The following TRPC1 variants were observed in gnomAD, a reference collection of about 807,000 sequenced individuals.
TRPC1 encodes transient receptor potential cation channel subfamily C member 1.
In TRPC1, 42 loss-of-function variants were observed where a neutral mutation model predicts 88.2. That is an observed-to-expected ratio of 0.48 (90% CI 0.37 to 0.62). The LOEUF (loss-of-function observed/expected upper bound fraction) is 0.62, where lower values mean the gene tolerates loss of function less well. Ranked by LOEUF, TRPC1 falls within the 20% of genes least tolerant of loss-of-function variation. TRPC1 has a pLI of 0.00. For missense variants in TRPC1, 699 were observed against 957.3 expected (o/e 0.73, Z 3.56); for synonymous variants, 288 against 331.8 (o/e 0.87, Z 1.43).
intron 9 of TRPC1, among the ~76,000 whole-genome samples, chr3:142,797,821 A>G (rs1256174201): frequency 6.6e-6 from 1 of 152,130 alleles, no homozygotes; most frequent in Non-Finnish European, 1.5e-5. Context: ...CCTGAAAAAT[A>G]ATATAAGAAA....
intron 10 of TRPC1, among the ~76,000 whole-genome samples, 175 bp from the exon 11 acceptor site, chr3:142,803,800 CTT>C (rs760869958): frequency 1.3e-5 from 2 of 152,170 alleles, no homozygotes; most frequent in African/African-American, 4.8e-5. Flanking sequence ...CTTAGGGTCT[CTT>C]TGTTTAAATT....
At chr3:142,745,390 A>G (rs1218351663) in intron 3 of TRPC1, among the ~76,000 whole-genome samples, 4 of 152,120 alleles carry the variant, frequency 2.6e-5, no homozygotes, top group Admixed American at 2.6e-4. Context: ...CCTACTTAGT[A>G]AAATAACCTT....
At chr3:142,759,295 G>A (rs1935095989) in intron 4 of TRPC1, among the ~76,000 whole-genome samples, 1 of 152,210 alleles carries the variant, frequency 6.6e-6, no homozygotes, top group South Asian at 2.1e-4. Flanking sequence ...CCCACCAACA[G>A]TGTAAAAGTA....
chr3:142,737,330 ATATATATG>A (rs1212988927), intron 2 of TRPC1, among the ~76,000 whole-genome samples: 6 of 60,164 alleles, frequency 1.0e-4, no homozygotes, highest in Admixed American at 2.6e-4. Context: ...TATTTTATAT[ATATATATG>A]TATGTATGTA....
intron 2 of TRPC1, among the ~76,000 whole-genome samples, chr3:142,739,078 TCTC>T (rs1220094195): frequency 6.6e-6 from 1 of 152,092 alleles, no homozygotes; most frequent in Non-Finnish European, 1.5e-5. Flanking sequence ...TTCAAGCGAT[TCTC>T]CTGCCTCAGC....
At chr3:142,773,233 G>A (rs1403413709) in intron 4 of TRPC1, among the ~76,000 whole-genome samples, 2 of 151,026 alleles carry the variant, frequency 1.3e-5, no homozygotes, top group Non-Finnish European at 3.0e-5. Flanking sequence ...TTTTTTTTGA[G>A]ATGGAGTCTC....
chr3:142,765,020 C>T (rs868183423), intron 4 of TRPC1, among the ~76,000 whole-genome samples: 10 of 152,094 alleles, frequency 6.6e-5, no homozygotes, highest in African/African-American at 2.2e-4. Flanking sequence ...TTCTATACAT[C>T]AACATTGTTC....
Position 142,743,585 on chromosome 3 carries a change from T to C in TRPC1, c.428T>C (p.Val143Ala). The C allele has an allele frequency of 1.3e-6, 2 of 1,483,238 alleles. No homozygotes were observed. The highest frequency in any genetic ancestry group is 1.8e-6 in the Non-Finnish European group (2 of 1,121,322). The allele number at this position is 1,483,238 out of a possible 1,614,324, so 91.9% of individuals were successfully genotyped here. A position where few individuals can be genotyped will look rare whatever the true frequency, so the allele number is the denominator to read the frequency against. ...AAACGATCATCAAGACCAACTATAG[T>C]AGTTAGTACTCTTAAATATTTATTA... Reference protein sequence around the residue: ...RPKRSSRPTIVKLMERIQNPE... With the variant: ...RPKRSSRPTIAKLMERIQNPE... Residue 143 changes from valine (V) to alanine (A), a missense_variant and splice_region_variant, in exon 3 of 13, where the codon GTA becomes GCA. By Grantham distance (64) the Val-to-Ala change is moderately conservative. Around this residue, in one of 4 missense-constraint regions of TRPC1, gnomAD observed 426 missense variants for 641.3 expected, o/e 0.66. Coordinates refer to ENST00000476941, the MANE Select transcript of TRPC1 (RefSeq NM_001251845.2).
chr3:142,785,663 G>A (rs1040989394), intron 7 of TRPC1, among the ~76,000 whole-genome samples: 1 of 152,046 alleles, frequency 6.6e-6, no homozygotes, highest in Admixed American at 6.6e-5. Context: ...ACCACACCTG[G>A]CTAATTTTTG....
intron 4 of TRPC1, among the ~76,000 whole-genome samples, chr3:142,754,985 C>T: frequency 6.6e-6 from 1 of 152,144 alleles, no homozygotes; most frequent in East Asian, 1.9e-4. Flanking sequence ...ATTATGCTTC[C>T]ATATTGCCAG....
intron 7 of TRPC1, among the ~76,000 whole-genome samples, chr3:142,785,871 A>C (rs1936118531): frequency 6.6e-6 from 1 of 152,206 alleles, no homozygotes; most frequent in South Asian, 2.1e-4. Flanking sequence ...ATTTAGATTT[A>C]AAGGAGTCCC....
intron 4 of TRPC1, among the ~76,000 whole-genome samples, chr3:142,768,301 T>C (rs1338739274): frequency 6.6e-6 from 1 of 152,122 alleles, no homozygotes; most frequent in Non-Finnish European, 1.5e-5. Flanking sequence ...TGCTCCATTA[T>C]CTTTTTCTGT....
chr3:142,780,893 A>G lies in TRPC1; in HGVS notation c.824A>G (p.Gln275Arg). The change falls in exon 6 of 13, where the codon CAA becomes CGA. Residue 275 changes from glutamine to arginine, a missense_variant. Around this residue, in one of 4 missense-constraint regions of TRPC1, gnomAD observed 426 missense variants for 641.3 expected, o/e 0.66. Coordinates refer to ENST00000476941, the MANE Select transcript of TRPC1 (RefSeq NM_001251845.2). ...CKMFAKDLLA[Q>R]ARNSRELEVI... The stretch of plus-strand genomic sequence containing the variant: ...ATGTTTGCTAAGGATTTACTTGCAC[A>G]AGCCCGGAATTCTCGTGAATTGGAA... 6.2e-7 allele frequency: 1 copy of G among 1,613,794 alleles called. No individual in the cohort carries two copies. Among genetic ancestry groups the G allele is most frequent in the Non-Finnish European group, 8.5e-7 (1 of 1,179,776 alleles).
At chr3:142,727,535 C>G (rs770974636) in intron 1 of TRPC1, among the ~76,000 whole-genome samples, 32 of 152,156 alleles carry the variant, frequency 2.1e-4, no homozygotes, top group Non-Finnish European at 7.4e-5. Flanking sequence ...AACTGCTGAT[C>G]TAGGTAGTGG....
intron 4 of TRPC1, among the ~76,000 whole-genome samples, chr3:142,774,343 T>A (rs1171701805): frequency 6.6e-6 from 1 of 152,242 alleles, no homozygotes; most frequent in Non-Finnish European, 1.5e-5. Flanking sequence ...TTCCAAGCTC[T>A]CCCTGTTAAG....
chr3:142,726,096 C>T (rs1933659915), intron 1 of TRPC1, among the ~76,000 whole-genome samples: 1 of 152,088 alleles, frequency 6.6e-6, no homozygotes, highest in African/African-American at 2.4e-5. Flanking sequence ...TTTAGTATTG[C>T]TGGAGTGGGT....
At chr3:142,729,534 G>C (rs553414277) in intron 1 of TRPC1, among the ~76,000 whole-genome samples, 1 of 152,214 alleles carries the variant, frequency 6.6e-6, no homozygotes, top group East Asian at 1.9e-4. Context: ...GATATTACGT[G>C]TACAGGGTCA....
intron 4 of TRPC1, among the ~76,000 whole-genome samples, chr3:142,752,437 T>A (rs2108054130): frequency 6.6e-6 from 1 of 152,366 alleles, no homozygotes; most frequent in East Asian, 1.9e-4. Context: ...AAGGCAATAT[T>A]ACTGCAAACA....
chr3:142,794,006 C>T (rs1441023454), intron 9 of TRPC1: 2 of 626,432 alleles, frequency 3.2e-6, no homozygotes, highest in Non-Finnish European at 4.0e-6. Context: ...TGGGAATTGA[C>T]AGTGCATGTT....
Sources: allele counts gnomAD v4.1 joint callset (sites outside exome capture counted in the v4.1 genomes callset), GRCh38; gene constraint gnomAD v4.1.1; regional missense constraint gnomAD v4.1.1; transcripts MANE v1.5; gene names NCBI Gene and HGNC (gene_info 2026-07-23, HGNC 2026-07-21).